Variants in SPOCK1 observed in about 807,000 individuals in gnomAD.
SPOCK1 encodes the protein SPARC (osteonectin), cwcv and kazal like domains proteoglycan 1.
A neutral mutation model predicts 55.3 loss-of-function variants in SPOCK1; 23 were observed. The ratio of observed to expected loss-of-function variants is 0.42; its 90% CI spans 0.30 to 0.59. The LOEUF is 0.59. Among genes scored for constraint, SPOCK1 ranks in the 20% least tolerant of loss-of-function variants. The probability of loss-of-function intolerance (pLI) is 0.22; values close to 1 mark genes in which losing one functional copy is unlikely to be tolerated. For missense variants in SPOCK1, 499 were observed against 552.5 expected, an observed-to-expected ratio of 0.90 and a Z score of 0.97; for synonymous variants, 226 against 221.0, an observed-to-expected ratio of 1.02 and a Z score of -0.20.
At chr5:137,024,314 A>AGGG (rs10692964) in intron 6 of SPOCK1, among the ~76,000 whole-genome samples, 3,222 of 118,862 alleles carry the variant, frequency 0.027, 75 homozygotes, top group South Asian at 0.073. Context: ...ACCAGTTTGA[A>AGGG]GGGGGGGGGG....
intron 2 of SPOCK1, among the ~76,000 whole-genome samples, chr5:137,307,046 G>C (rs1422098481): frequency 6.6e-6 from 1 of 152,170 alleles, no homozygotes; most frequent in Non-Finnish European, 1.5e-5. Flanking sequence ...TCTAGTCCTT[G>C]CTAGTTGCTA....
chr5:137,149,910 TG>T (rs1336996009), intron 3 of SPOCK1, among the ~76,000 whole-genome samples: 9 of 152,316 alleles, frequency 5.9e-5, no homozygotes, highest in African/African-American at 2.2e-4. Context: ...AGGATTCAGT[TG>T]CAGGCAAACA....
intron 6 of SPOCK1, among the ~76,000 whole-genome samples, chr5:137,041,673 T>C (rs1003573754): frequency 2.0e-5 from 3 of 152,200 alleles, no homozygotes; most frequent in Non-Finnish European, 4.4e-5. Context: ...CACTTTGCCA[T>C]ATGTGATAGA....
At chr5:137,024,085 A>G (rs1296264101) in intron 6 of SPOCK1, among the ~76,000 whole-genome samples, 1 of 150,644 alleles carries the variant, frequency 6.6e-6, no homozygotes, top group Non-Finnish European at 1.5e-5. Flanking sequence ...CTTTATATTA[A>G]TAAGGTAGCT....
chr5:137,488,747 C>T lies in SPOCK1; in HGVS notation c.186+9626G>A, dbSNP rs185119788. Among the ~76,000 whole-genome samples the T allele has an allele frequency of 4.2e-4, 64 of 152,300 alleles. 1 individual carries two copies. The East Asian group carries it at 0.012, about 29-fold the overall frequency. ...GGAACACCTGCAGTAAGTTCCACTT[C>T]CCTGCTCCAATCACAGGCGCCGACG... On this transcript the variant is annotated intron_variant, in intron 2 of 10. Coordinates refer to ENST00000394945, the MANE Select transcript of SPOCK1 (RefSeq NM_004598.4).
At chr5:137,293,527 A>G (rs1447877706) in intron 2 of SPOCK1, among the ~76,000 whole-genome samples, 1 of 152,006 alleles carries the variant, frequency 6.6e-6, no homozygotes, top group Non-Finnish European at 1.5e-5. Context: ...GGACTTACCC[A>G]CAGAAATTCT....
chr5:137,290,511 T>C (rs772296664), intron 2 of SPOCK1, among the ~76,000 whole-genome samples: 1 of 152,218 alleles, frequency 6.6e-6, no homozygotes, highest in African/African-American at 2.4e-5. Context: ...GGAGTAACAG[T>C]AATATTCTGT....
At position 137,015,285 on chromosome 5, in the gene SPOCK1, C is replaced by CAAAA. The variant is rs11440015; in HGVS notation, c.590-22689_590-22686dup. 2.2e-4 allele frequency among the ~76,000 whole-genome samples: 31 copies of CAAAA among 139,406 alleles called. 1 individual carries two copies. The highest frequency in any genetic ancestry group is 5.8e-4 in the African/African-American group (22 of 37,880). 91.5% of individuals were successfully genotyped at this position (139,406 alleles called of 152,430 possible). On this transcript the variant is annotated intron_variant, in intron 6 of 10. Coordinates refer to ENST00000394945, the MANE Select transcript of SPOCK1 (RefSeq NM_004598.4). The stretch of plus-strand genomic sequence containing the variant: ...TGAAACCCCATCTCTACTAAAAATA[C>CAAAA]AAAAAAAAAAAAAAATTAGCCAGGC...
intron 2 of SPOCK1, among the ~76,000 whole-genome samples, chr5:137,433,326 C>T (rs1752788941): frequency 1.2e-5 from 1 of 81,722 alleles, no homozygotes. Flanking sequence ...TTAGGGTGAA[C>T]AGAAAAGACA....
chr5:137,104,061 T>C (rs1753317588), intron 5 of SPOCK1, among the ~76,000 whole-genome samples: 1 of 152,242 alleles, frequency 6.6e-6, no homozygotes, highest in Non-Finnish European at 1.5e-5. Context: ...TGGCTTTTTC[T>C]AAGCAGCAGT....
At chr5:137,372,697 T>C (rs938833095) in intron 2 of SPOCK1, among the ~76,000 whole-genome samples, 7 of 152,036 alleles carry the variant, frequency 4.6e-5, no homozygotes, top group African/African-American at 1.7e-4. Context: ...TACCAGAAGA[T>C]GACAATGCTA....
intron 3 of SPOCK1, among the ~76,000 whole-genome samples, chr5:137,204,367 G>T (rs569879915): frequency 6.6e-6 from 1 of 152,078 alleles, no homozygotes; most frequent in Admixed American, 6.5e-5. Flanking sequence ...CTGGGAGAGC[G>T]CACTGTCTCA....
intron 4 of SPOCK1, among the ~76,000 whole-genome samples, chr5:137,130,855 T>C (rs1053696323): frequency 6.6e-6 from 1 of 152,212 alleles, no homozygotes; most frequent in Non-Finnish European, 1.5e-5. Flanking sequence ...AAAAACCTCA[T>C]TTAAGAGAAT....
At chr5:137,076,087 C>T (rs373400107) in intron 5 of SPOCK1, among the ~76,000 whole-genome samples, 1 of 152,186 alleles carries the variant, frequency 6.6e-6, no homozygotes, top group East Asian at 1.9e-4. Flanking sequence ...GAGGTGGGAC[C>T]ATGCACAGCC....
intron 6 of SPOCK1, among the ~76,000 whole-genome samples, chr5:137,060,143 G>A (rs1031864704): frequency 1.1e-4 from 16 of 152,042 alleles, no homozygotes; most frequent in Non-Finnish European, 2.1e-4. Context: ...AAAGACACCT[G>A]CATACGTCTG....
intron 4 of SPOCK1, among the ~76,000 whole-genome samples, chr5:137,115,967 G>A (rs1192030691): frequency 1.3e-5 from 2 of 152,170 alleles, no homozygotes; most frequent in African/African-American, 2.4e-5. Context: ...ATCCAATGAA[G>A]GTATCTTGAT....
chr5:137,459,111 A>G, intron 2 of SPOCK1, among the ~76,000 whole-genome samples: 1 of 152,228 alleles, frequency 6.6e-6, no homozygotes, highest in East Asian at 1.9e-4. Context: ...TGGTGACTAC[A>G]TGTTGAACCA....
At chr5:137,328,374 A>G (rs1464248309) in intron 2 of SPOCK1, among the ~76,000 whole-genome samples, 1 of 152,220 alleles carries the variant, frequency 6.6e-6, no homozygotes, top group Non-Finnish European at 1.5e-5. Flanking sequence ...TAAATCTCTC[A>G]TTTAAATGAC....
rs190704875 is a variant in SPOCK1, at chr5:137,107,391, C to T, written c.474+5044G>A. Among the ~76,000 whole-genome samples the T allele has an allele frequency of 2.0e-5, 3 of 152,294 alleles. No homozygotes were observed. In the East Asian group the frequency reaches 5.8e-4, roughly 29 times the overall value. ...GAAATTACTACGGCGATCCTTACTGCCTGGAAGCCAAGCGAAGGGTCAGAG... is the reference window on the plus strand; with the variant it reads ...GAAATTACTACGGCGATCCTTACTGTCTGGAAGCCAAGCGAAGGGTCAGAG... On this transcript the variant is annotated intron_variant, in intron 5 of 10. Coordinates refer to ENST00000394945, the MANE Select transcript of SPOCK1 (RefSeq NM_004598.4).
Sources: gnomAD v4.1 joint callset for allele counts (sites outside exome capture counted in the v4.1 genomes callset) on GRCh38, gnomAD v4.1.1 for gene constraint, MANE v1.5 for transcripts, NCBI Gene and HGNC (gene_info 2026-07-23, HGNC 2026-07-21) for gene names.